SH3BP4: variants seen among roughly 807,000 people sequenced by gnomAD.
SH3BP4 encodes SH3 domain binding protein 4, also known as SH3 domain-binding protein 4.
Under a neutral mutation model 65.5 loss-of-function variants are expected in SH3BP4, and 33 were observed. The ratio of observed to expected loss-of-function variants is 0.50; its 90% CI spans 0.38 to 0.67. The LOEUF is 0.67. Ranked by LOEUF, SH3BP4 falls within the 30% of genes least tolerant of loss-of-function variation. The probability of loss-of-function intolerance (pLI) is 0.00; values close to 1 mark genes in which losing one functional copy is unlikely to be tolerated. For missense variants in SH3BP4, 1,134 were observed against 1,261.4 expected (o/e 0.90, Z 1.53); for synonymous variants, 552 against 545.5 (o/e 1.01, Z -0.17).
chr2:235,010,779 TC>T lies in SH3BP4; in HGVS notation c.-133+15405del, dbSNP rs1290666270. Among the ~76,000 whole-genome samples, 4 of 136,758 alleles carry T rather than the reference TC, an allele frequency of 2.9e-5. 1 individual carries two copies. Among genetic ancestry groups the T allele is most frequent in the Non-Finnish European group, 6.6e-5 (4 of 60,934 alleles). The allele number at this position is 136,758 out of a possible 152,430, so 89.7% of individuals were successfully genotyped here. On this transcript the variant is annotated intron_variant, in intron 2 of 5. Coordinates refer to ENST00000392011, the MANE Select transcript of SH3BP4 (RefSeq NM_014521.3). ...TTCCTCCCTCTCCTAGGAGAACCCTTCCTCCCTCTCCTAGGAGAAACCTTCC... is the reference window on the plus strand; with the variant it reads ...TTCCTCCCTCTCCTAGGAGAACCCTTCTCCCTCTCCTAGGAGAAACCTTCC...
intron 1 of SH3BP4, among the ~76,000 whole-genome samples, chr2:234,968,952 C>G (rs1426088403): frequency 6.6e-6 from 1 of 152,210 alleles, no homozygotes; most frequent in Non-Finnish European, 1.5e-5. Flanking sequence ...GTAACTCACA[C>G]AGTTGATCAC....
chr2:235,015,813 G>A (rs769328828), intron 2 of SH3BP4, among the ~76,000 whole-genome samples: 8 of 152,222 alleles, frequency 5.3e-5, no homozygotes, highest in South Asian at 2.1e-4. Context: ...AGAGTAACAC[G>A]TCATCCAGGG....
At chr2:235,010,332 C>G (rs911185270) in intron 2 of SH3BP4, among the ~76,000 whole-genome samples, 1 of 152,200 alleles carries the variant, frequency 6.6e-6, no homozygotes, top group Non-Finnish European at 1.5e-5. Flanking sequence ...TGGGCCCAGC[C>G]TGCTTCATGG....
In SH3BP4 at chr2:235,052,044, C is replaced by T. The variant is rs1267782839; in HGVS notation, c.2479-518C>T. 6.6e-6 allele frequency among the ~76,000 whole-genome samples: 1 copy of T among 152,154 alleles called. No individual in the cohort carries two copies. The highest frequency in any genetic ancestry group is 1.5e-5 in the Non-Finnish European group (1 of 68,028). On this transcript the variant is annotated intron_variant, in intron 4 of 5. Transcript: ENST00000392011. The surrounding 1 kb of genome is among the most constrained non-coding windows in gnomAD (Gnocchi z 5.0). ...AGGCCACAGGTCTCAGTCAGGGGTC[C>T]CAGGGTGGCCTCCGTCTGGAAGCAG...
intron 4 of SH3BP4, among the ~76,000 whole-genome samples, chr2:235,048,276 T>A (rs1695937975): frequency 6.6e-6 from 1 of 152,200 alleles, no homozygotes; most frequent in Non-Finnish European, 1.5e-5. Context: ...CAGGATGGAA[T>A]AAACATGCAG....
intron 4 of SH3BP4, among the ~76,000 whole-genome samples, chr2:235,050,125 C>G (rs1336315896): frequency 2.0e-5 from 3 of 151,026 alleles, no homozygotes; most frequent in Admixed American, 1.3e-4. Context: ...TTTTTCTTTT[C>G]TTTTTTTTGA....
intron 2 of SH3BP4, among the ~76,000 whole-genome samples, chr2:235,006,865 A>G (rs2106290159): frequency 6.6e-6 from 1 of 152,224 alleles, no homozygotes; most frequent in South Asian, 2.1e-4. Context: ...CCGTGACAGC[A>G]GCAACATGGC....
intron 1 of SH3BP4, among the ~76,000 whole-genome samples, chr2:234,993,375 T>A (rs1301579921): frequency 6.6e-6 from 1 of 152,172 alleles, no homozygotes; most frequent in East Asian, 1.9e-4. Context: ...TGGACCCGCC[T>A]GATGAAGGGG....
At chr2:234,965,680 C>T (rs1692817692) in intron 1 of SH3BP4, among the ~76,000 whole-genome samples, 1 of 152,048 alleles carries the variant, frequency 6.6e-6, no homozygotes, top group Non-Finnish European at 1.5e-5. Context: ...GATCGTTATT[C>T]TGGGAAGATG....
At chr2:235,031,319 G>T (rs1430297751) in intron 2 of SH3BP4, among the ~76,000 whole-genome samples, 76 of 152,228 alleles carry the variant, frequency 5.0e-4, no homozygotes, top group Non-Finnish European at 2.9e-5. Flanking sequence ...CTGGTTCAGG[G>T]GAGTGGCCAT....
At chr2:235,008,840 T>C (rs1694384363) in intron 2 of SH3BP4, among the ~76,000 whole-genome samples, 1 of 152,192 alleles carries the variant, frequency 6.6e-6, no homozygotes, top group South Asian at 2.1e-4. Context: ...ACTTTGCTCA[T>C]TTATGCTTTG....
rs894389655 is a variant in SH3BP4, at chr2:235,034,652, T to C, written c.-132-219T>C. Among the ~76,000 whole-genome samples the C allele has an allele frequency of 6.6e-6, 1 of 152,180 alleles. No homozygotes were observed. Among genetic ancestry groups the C allele is most frequent in the African/African-American group, 2.4e-5 (1 of 41,442 alleles). ...AAACAGCCGGCCAGAAAACACTGCTTGGGCTGTGTGTGCCCAGTGTGCCAA... is the reference window on the plus strand; with the variant it reads ...AAACAGCCGGCCAGAAAACACTGCTCGGGCTGTGTGTGCCCAGTGTGCCAA... On this transcript the variant is annotated intron_variant, in intron 2 of 5. Coordinates refer to ENST00000392011, the MANE Select transcript of SH3BP4 (RefSeq NM_014521.3). The surrounding 1 kb of genome is among the most constrained non-coding windows in gnomAD (Gnocchi z 6.2).
chr2:235,039,373 G>C (rs534775336), intron 3 of SH3BP4, among the ~76,000 whole-genome samples: 3 of 151,972 alleles, frequency 2.0e-5, no homozygotes, highest in African/African-American at 7.3e-5. Flanking sequence ...GGGTCGGGGG[G>C]GCAATTTGAT....
At chr2:234,953,804 G>A (rs1340816872) in intron 1 of SH3BP4, among the ~76,000 whole-genome samples, 2 of 152,182 alleles carry the variant, frequency 1.3e-5, no homozygotes, top group East Asian at 3.9e-4. Context: ...GGAGCCCTGA[G>A]GACAATATTC....
rs1696100364 is a variant in SH3BP4, at chr2:235,052,736, G to A, written c.2653G>A (p.Val885Ile). 3 of 1,597,964 alleles carry A rather than the reference G, an allele frequency of 1.9e-6. 1 individual carries two copies. Among genetic ancestry groups the A allele is most frequent in the South Asian group, 2.3e-5 (2 of 88,104 alleles). Residue 885 changes from valine (V) to isoleucine (I), a missense_variant, in exon 5 of 6, where the codon GTT (valine) becomes ATT (isoleucine). Physicochemically the swap from Val to Ile is conservative, Grantham distance 29. Transcript: ENST00000392011. This position sits in a 1 kb window ranked among gnomAD's most constrained non-coding sequence, Gnocchi z 5.0. Reference sequence around the variant, plus strand: ...GTCTCCCCACCGGGACAGGAACGGGGTTGTGGACAGCGAGGTGAGCAGCGG... The same window carrying A: ...GTCTCCCCACCGGGACAGGAACGGGATTGTGGACAGCGAGGTGAGCAGCGG... The part of the protein sequence containing the change: ...YESPHRDRNG[V>I]VDSEAMWKPA...
Position 234,986,178 on chromosome 2 carries a change from C to T in SH3BP4, c.-206-9125C>T, listed in dbSNP as rs540912689. 1.2e-4 allele frequency among the ~76,000 whole-genome samples: 18 copies of T among 150,160 alleles called. No homozygotes were observed. In the East Asian group the frequency reaches 3.1e-3, roughly 26 times the overall value. ...ATGAGCACAGAGACCATGGTGCAGG[C>T]GTTATCTCTCTTATTCATGAGGAGG... On this transcript the variant is annotated intron_variant, in intron 1 of 5. Transcript: ENST00000392011.
chr2:234,960,068 G>A (rs13431106), intron 1 of SH3BP4, among the ~76,000 whole-genome samples: 91 of 152,316 alleles, frequency 6.0e-4, no homozygotes, highest in African/African-American at 2.0e-3. Context: ...TACAAGTGCC[G>A]TCAAATATTT....
intron 1 of SH3BP4, among the ~76,000 whole-genome samples, chr2:234,961,334 C>T (rs58317731): frequency 0.012 from 1,770 of 152,182 alleles, 38 homozygotes; most frequent in African/African-American, 0.041. Flanking sequence ...TGCAGTGGTG[C>T]GATCTTGGCT....
chr2:234,983,178 C>T (rs576788604), intron 1 of SH3BP4: 4 of 152,254 alleles, frequency 2.6e-5, no homozygotes, highest in Admixed American at 6.5e-5. Flanking sequence ...GCGAAACACC[C>T]GGGTGCCAAT....
Sources: allele counts gnomAD v4.1 joint callset (sites outside exome capture counted in the v4.1 genomes callset), GRCh38; gene constraint gnomAD v4.1.1; non-coding constraint Gnocchi (gnomAD v3.1); transcripts MANE v1.5; gene names NCBI Gene and HGNC (gene_info 2026-07-23, HGNC 2026-07-21).